DPYD: variants seen among roughly 807,000 people sequenced by gnomAD.
DPYD encodes dihydropyrimidine dehydrogenase.
In DPYD, 109 loss-of-function variants were observed where a neutral mutation model predicts 116.2. That is an observed-to-expected ratio of 0.94 (90% CI 0.80 to 1.10). The LOEUF (loss-of-function observed/expected upper bound fraction) is 1.10. Among genes scored for constraint, DPYD ranks in the 50% least tolerant of loss-of-function variants. DPYD has a pLI of 0.00. For missense variants in DPYD, 1,302 were observed against 1,254.5 expected (o/e 1.04, Z -0.57); for synonymous variants, 440 against 432.0 (o/e 1.02, Z -0.23).
At chr1:97,844,384 G>A (rs529784178) in intron 2 of DPYD, among the ~76,000 whole-genome samples, 9 of 152,268 alleles carry the variant, frequency 5.9e-5, no homozygotes, top group South Asian at 2.1e-4. Flanking sequence ...TCAATCAACC[G>A]TGTGATTACA....
chr1:97,430,098 A>T (rs1332121929), intron 14 of DPYD, among the ~76,000 whole-genome samples: 1 of 152,162 alleles, frequency 6.6e-6, no homozygotes, highest in East Asian at 1.9e-4. Context: ...ATGATTAATA[A>T]TTCAGTTACG....
intron 13 of DPYD, among the ~76,000 whole-genome samples, chr1:97,469,045 T>C (rs1677483187): frequency 6.6e-6 from 1 of 152,204 alleles, no homozygotes; most frequent in African/African-American, 2.4e-5. Context: ...GAGCTGGCTC[T>C]GTGATCCTAA....
intron 2 of DPYD, chr1:97,855,141 C>G (rs754387671): frequency 6.6e-6 from 1 of 152,208 alleles, no homozygotes; most frequent in African/African-American, 2.4e-5. Context: ...GGCACTTGTT[C>G]GGTTCAGAGA....
At chr1:97,744,443 T>TA (rs1410895709) in intron 3 of DPYD, among the ~76,000 whole-genome samples, 1 of 151,514 alleles carries the variant, frequency 6.6e-6, no homozygotes, top group Non-Finnish European at 1.5e-5. Context: ...CTTTCTCAGA[T>TA]AAAAAATAAT....
At chr1:97,161,065 A>G (rs910588321) in intron 20 of DPYD, among the ~76,000 whole-genome samples, 1 of 152,138 alleles carries the variant, frequency 6.6e-6, no homozygotes, top group Non-Finnish European at 1.5e-5. Flanking sequence ...CATCCTGCAC[A>G]CATATCTTGA....
chr1:97,284,239 TATTTTA>T, intron 18 of DPYD, among the ~76,000 whole-genome samples: 1 of 152,252 alleles, frequency 6.6e-6, no homozygotes, highest in African/African-American at 2.4e-5. Context: ...TCTTGACTTT[TATTTTA>T]ATGGAACTAT....
chr1:97,899,507 C>T (rs900193374), intron 1 of DPYD, among the ~76,000 whole-genome samples: 1 of 151,742 alleles, frequency 6.6e-6, no homozygotes, highest in Admixed American at 6.6e-5. Context: ...ACTTCTATAT[C>T]CTGAGGGTAT....
intron 19 of DPYD, among the ~76,000 whole-genome samples, chr1:97,226,014 C>T (rs1661130576): frequency 1.3e-5 from 2 of 152,022 alleles, no homozygotes; most frequent in South Asian, 4.1e-4. Flanking sequence ...AAACTGAATT[C>T]AACAGCACAT....
At chr1:97,698,070 A>G (rs1187458156) in intron 6 of DPYD, among the ~76,000 whole-genome samples, 1 of 152,006 alleles carries the variant, frequency 6.6e-6, no homozygotes, top group Non-Finnish European at 1.5e-5. Flanking sequence ...ATCTTTCCAG[A>G]GAAATAATAT....
intron 14 of DPYD, among the ~76,000 whole-genome samples, chr1:97,439,206 C>A (rs898026878): frequency 1.3e-5 from 2 of 151,954 alleles, no homozygotes; most frequent in South Asian, 2.1e-4. Context: ...CAAATATTAA[C>A]CCTATCTGGA....
intron 5 of DPYD, chr1:97,700,420 A>T (rs1661533510): frequency 5.3e-6 from 2 of 376,474 alleles, no homozygotes; most frequent in Admixed American, 7.1e-5. Context: ...GGAGTGACTA[A>T]ATAAGAAAGA....
chr1:97,115,060 G>A (rs563685204), intron 20 of DPYD, among the ~76,000 whole-genome samples: 7 of 152,148 alleles, frequency 4.6e-5, no homozygotes, highest in African/African-American at 1.7e-4. Context: ...ATTCACAACT[G>A]AAAAAAGGAC....
chr1:97,291,594 A>G lies in DPYD; in HGVS notation c.2299+13665T>C, dbSNP rs868424596. Among the ~76,000 whole-genome samples the G allele has an allele frequency of 1.1e-4, 16 of 152,198 alleles. No homozygotes were observed. In the Middle Eastern group the frequency reaches 0.01, roughly 98 times the overall value. ...CAGTAAACTATCGCAAGGACAAAAA[A>G]CCAAACACCGCATTTTCTCACTCAT... On this transcript the variant is annotated intron_variant, in intron 18 of 22. Coordinates refer to ENST00000370192, the MANE Select transcript of DPYD (RefSeq NM_000110.4).
chr1:97,084,329 C>A (rs1649357431), intron 21 of DPYD, among the ~76,000 whole-genome samples: 1 of 151,606 alleles, frequency 6.6e-6, no homozygotes, highest in African/African-American at 2.4e-5. Flanking sequence ...TTGCAAAATC[C>A]CAAGCATCCT....
intron 14 of DPYD, among the ~76,000 whole-genome samples, chr1:97,417,351 C>A (rs1674340474): frequency 6.6e-6 from 1 of 152,130 alleles, no homozygotes; most frequent in African/African-American, 2.4e-5. Flanking sequence ...TCTTTTATAT[C>A]TGTATTTTAA....
intron 12 of DPYD, among the ~76,000 whole-genome samples, chr1:97,529,293 TG>T (rs1359552799): frequency 6.6e-6 from 1 of 152,198 alleles, no homozygotes; most frequent in African/African-American, 2.4e-5. Context: ...ATCTATCAAG[TG>T]CATTCTATAC....
chr1:97,529,950 T>C (rs1649472803), intron 12 of DPYD, among the ~76,000 whole-genome samples: 1 of 151,092 alleles, frequency 6.6e-6, no homozygotes, highest in Non-Finnish European at 1.5e-5. Flanking sequence ...ACTTTTCTTT[T>C]CTTTCCTTCT....
intron 3 of DPYD, among the ~76,000 whole-genome samples, chr1:97,782,801 A>G (rs1056197124): frequency 6.6e-6 from 1 of 152,236 alleles, no homozygotes; most frequent in Non-Finnish European, 1.5e-5. Context: ...CCTTTGACAG[A>G]ATAAATGGTC....
chr1:97,429,141 A>C (rs1419126389), intron 14 of DPYD, among the ~76,000 whole-genome samples: 2 of 152,064 alleles, frequency 1.3e-5, no homozygotes, highest in Non-Finnish European at 2.9e-5. Context: ...AGATAATGTT[A>C]AACATTCATC....
Sources: gnomAD v4.1 joint callset for allele counts (sites outside exome capture counted in the v4.1 genomes callset) on GRCh38, gnomAD v4.1.1 for gene constraint, MANE v1.5 for transcripts, NCBI Gene and HGNC (gene_info 2026-07-23, HGNC 2026-07-21) for gene names.